OCA2: variants seen among roughly 807,000 people sequenced by gnomAD.
OCA2 encodes OCA2 melanosomal transmembrane protein, also known as P protein.
Under a neutral mutation model 100.2 loss-of-function variants are expected in OCA2, and 77 were observed. The observed-to-expected ratio is 0.77, with a 90% CI of 0.64 to 0.93. The LOEUF is 0.93. OCA2 is among the 40% of genes least tolerant of loss of function. The pLI is 0.00. For missense variants in OCA2, 1,062 were observed against 1,089.1 expected (o/e 0.98, Z 0.35); for synonymous variants, 432 against 439.2 (o/e 0.98, Z 0.21).
At chr15:27,808,923 C>T (rs551425182) in intron 23 of OCA2, among the ~76,000 whole-genome samples, 5 of 152,276 alleles carry the variant, frequency 3.3e-5, no homozygotes, top group African/African-American at 4.8e-5. Context: ...CAGATGGGAT[C>T]GTGGGGTATG....
intron 19 of OCA2, among the ~76,000 whole-genome samples, chr15:27,906,099 C>G (rs578100644): frequency 6.6e-6 from 1 of 152,202 alleles, no homozygotes; most frequent in East Asian, 1.9e-4. Context: ...GTAATAAGTT[C>G]TAGTGTTTGA....
intron 23 of OCA2, among the ~76,000 whole-genome samples, chr15:27,828,161 G>A (rs1233842214): frequency 6.6e-6 from 1 of 152,048 alleles, no homozygotes; most frequent in East Asian, 1.9e-4. Flanking sequence ...CCTACCTCCC[G>A]AACCCCTACC....
intron 23 of OCA2, among the ~76,000 whole-genome samples, chr15:27,821,468 A>C (rs941890032): frequency 6.6e-6 from 1 of 152,204 alleles, no homozygotes; most frequent in Non-Finnish European, 1.5e-5. Context: ...ACATGCAGGC[A>C]CAACTATGCA....
chr15:27,916,208 G>A (rs1419751207), intron 19 of OCA2, among the ~76,000 whole-genome samples: 1 of 152,108 alleles, frequency 6.6e-6, no homozygotes, highest in East Asian at 1.9e-4. Context: ...TGGAAGGTGG[G>A]AGGAGGGTAA....
chr15:27,902,314 G>A (rs2594901), intron 19 of OCA2, among the ~76,000 whole-genome samples: 119,744 of 151,988 alleles, frequency 0.79, 48,251 homozygotes, highest in East Asian at 1. Context: ...TCCTAACTTT[G>A]GGAACACTAA....
intron 2 of OCA2, among the ~76,000 whole-genome samples, chr15:28,077,681 C>T (rs1029317880): frequency 1.3e-5 from 2 of 152,278 alleles, no homozygotes; most frequent in East Asian, 1.9e-4. Context: ...GGTAAAACTG[C>T]GACTCACGTC....
intron 2 of OCA2, among the ~76,000 whole-genome samples, chr15:28,080,895 T>C (rs916522893): frequency 1.3e-5 from 2 of 152,212 alleles, no homozygotes; most frequent in Non-Finnish European, 2.9e-5. Context: ...TAAGTAAATA[T>C]TTAAAGATGT....
intron 16 of OCA2, among the ~76,000 whole-genome samples, chr15:27,956,770 A>C (rs2040236584): frequency 6.6e-6 from 1 of 152,178 alleles, no homozygotes; most frequent in South Asian, 2.1e-4. Context: ...CTGAGCCGGC[A>C]CTTCATCCCG....
intron 14 of OCA2, among the ~76,000 whole-genome samples, chr15:27,976,404 T>C (rs567323056): frequency 2.0e-5 from 3 of 152,328 alleles, no homozygotes; most frequent in South Asian, 4.1e-4. Flanking sequence ...TCTCAGATGT[T>C]CTTTATTGGG....
At chr15:27,782,669 C>T (rs2032604350) in intron 23 of OCA2, among the ~76,000 whole-genome samples, 1 of 152,204 alleles carries the variant, frequency 6.6e-6, no homozygotes, top group Non-Finnish European at 1.5e-5. Flanking sequence ...GAAGCTGCTC[C>T]TTAATGCCCT....
intron 18 of OCA2, among the ~76,000 whole-genome samples, chr15:27,946,679 G>A (rs185548441): frequency 4.6e-4 from 70 of 152,220 alleles, no homozygotes; most frequent in Non-Finnish European, 9.0e-4. Context: ...TGTTTTATCA[G>A]AAGGAAAAGT....
chr15:28,095,075 C>G (rs890438054), intron 1 of OCA2, among the ~76,000 whole-genome samples: 6 of 152,264 alleles, frequency 3.9e-5, no homozygotes, highest in African/African-American at 1.4e-4. Flanking sequence ...AGCGGTGCTG[C>G]CGGCGCTCAA....
downstream of OCA2, among the ~76,000 whole-genome samples, chr15:27,750,539 T>C (rs982861232): frequency 6.6e-6 from 1 of 152,220 alleles, no homozygotes. Context: ...TCCCCTAGCA[T>C]TCCCTGCAAG....
intron 2 of OCA2, among the ~76,000 whole-genome samples, chr15:28,072,500 G>A (rs1195448619): frequency 6.7e-6 from 1 of 148,270 alleles, no homozygotes; most frequent in African/African-American, 2.5e-5. Context: ...TGAGGCAGGA[G>A]AATGGCGTGA....
chr15:27,944,983 C>T (rs548489949), intron 18 of OCA2, among the ~76,000 whole-genome samples: 9 of 152,286 alleles, frequency 5.9e-5, no homozygotes, highest in South Asian at 4.2e-4. Context: ...CTAGAGAAGA[C>T]GACCTAGGAG....
At chr15:28,095,610 G>C (rs969682382) in intron 1 of OCA2, among the ~76,000 whole-genome samples, 4 of 151,928 alleles carry the variant, frequency 2.6e-5, no homozygotes, top group Non-Finnish European at 5.9e-5. Flanking sequence ...CCAGCTACTC[G>C]GGAGGCTGAG....
chr15:27,983,961 A>G (rs1008988160), intron 13 of OCA2, among the ~76,000 whole-genome samples: 1 of 148,630 alleles, frequency 6.7e-6, no homozygotes, highest in Non-Finnish European at 1.5e-5. Context: ...TTTTCTATGT[A>G]TTTACTTTGT....
the OCA2 span, among the ~76,000 whole-genome samples, chr15:27,730,734 T>TATATATAC: frequency 1.2e-3 from 1 of 834 alleles, no homozygotes; most frequent in African/African-American, 3.8e-3. Context: ...AAAGACCAAA[T>TATATATAC]ATATATATAT....
chr15:27,884,062 T>G (rs1235732453), intron 19 of OCA2, among the ~76,000 whole-genome samples: 2 of 152,240 alleles, frequency 1.3e-5, no homozygotes, highest in Non-Finnish European at 2.9e-5. Context: ...AAACTCATTA[T>G]AAATCATCGT....
Sources: gnomAD v4.1 joint callset for allele counts (sites outside exome capture counted in the v4.1 genomes callset) on GRCh38, gnomAD v4.1.1 for gene constraint, MANE v1.5 for transcripts, NCBI Gene and HGNC (gene_info 2026-07-23, HGNC 2026-07-21) for gene names.